The following PGBD5 variants were observed in gnomAD, a reference collection of about 807,000 sequenced individuals.
The protein encoded by PGBD5 is piggyBac transposable element-derived protein 5.
Under a neutral mutation model 47.9 loss-of-function variants are expected in PGBD5, and 14 were observed. The observed-to-expected ratio is 0.29, with a 90% CI of 0.19 to 0.46. The LOEUF (loss-of-function observed/expected upper bound fraction) is 0.46. PGBD5 is among the 20% of genes least tolerant of loss of function. The pLI is 1.00. For missense variants in PGBD5, 635 were observed against 716.0 expected (o/e 0.89, Z 1.29); for synonymous variants, 316 against 306.3 (o/e 1.03, Z -0.33).
intron 1 of PGBD5, among the ~76,000 whole-genome samples, chr1:230,396,559 G>GCCCCCCCCCCCCCC (rs61206058): frequency 6.8e-5 from 8 of 117,560 alleles, no homozygotes; most frequent in African/African-American, 1.9e-4. Context: ...ACATTTTGTT[G>GCCCCCCCCCCCCCC]CCCCCCCTCC....
chr1:230,332,189 G>A (rs1006438631), intron 5 of PGBD5, among the ~76,000 whole-genome samples: 3 of 152,168 alleles, frequency 2.0e-5, no homozygotes, highest in Non-Finnish European at 2.9e-5. Flanking sequence ...CTCATTCGTC[G>A]TCATTTGTCT....
At chr1:230,335,074 C>CACAG in intron 4 of PGBD5, among the ~76,000 whole-genome samples, 1 of 150,076 alleles carries the variant, frequency 6.7e-6, no homozygotes, top group Middle Eastern at 3.5e-3. Context: ...CAGATGCACA[C>CACAG]ACAGACACAC....
chr1:230,390,111 C>A (rs1656749007), intron 1 of PGBD5, among the ~76,000 whole-genome samples: 1 of 152,188 alleles, frequency 6.6e-6, no homozygotes, highest in Non-Finnish European at 1.5e-5. Flanking sequence ...GGCGAGGCTG[C>A]TTTGTGACAT....
intron 1 of PGBD5, among the ~76,000 whole-genome samples, chr1:230,413,264 C>A (rs373316299): frequency 7.2e-5 from 11 of 152,154 alleles, no homozygotes; most frequent in Admixed American, 3.9e-4. Context: ...CACTCCCACC[C>A]GGAACCAGAC....
At chr1:230,364,081 G>C (rs891046937) in intron 1 of PGBD5, among the ~76,000 whole-genome samples, 1 of 152,210 alleles carries the variant, frequency 6.6e-6, no homozygotes, top group African/African-American at 2.4e-5. Context: ...ACTCAGTCAC[G>C]AGTGCCTCAA....
intron 5 of PGBD5, among the ~76,000 whole-genome samples, chr1:230,332,503 A>G (rs915873709): frequency 2.6e-5 from 4 of 152,224 alleles, no homozygotes; most frequent in Non-Finnish European, 5.9e-5. Context: ...CTTCCATCAG[A>G]ACGGATTTTT....
chr1:230,364,699 G>C (rs1009084568), intron 1 of PGBD5, among the ~76,000 whole-genome samples: 4 of 152,246 alleles, frequency 2.6e-5, no homozygotes, highest in Non-Finnish European at 4.4e-5. Context: ...ATGAACCATA[G>C]AATAGTTGCA....
Position 230,316,078 on chromosome 1 carries a change from T to C in PGBD5, c.*7347A>G, listed in dbSNP as rs201749419. 51 of 112,002 alleles carry C rather than the reference T, an allele frequency of 4.6e-4. No homozygotes were observed. The highest frequency in any genetic ancestry group is 3.3e-3 in the East Asian group (6 of 1,842). The allele number at this position is 112,002 out of a possible 1,614,324, so 6.9% of individuals were successfully genotyped here. On this transcript the variant is annotated 3_prime_UTR_variant, in exon 7 of 7. Coordinates refer to ENST00000391860, the MANE Select transcript of PGBD5 (RefSeq NM_001258311.2). ...TATATGTATGTGTATACATACATGT[T>C]TATGTGTATACATACATATGTTTAT... is the stretch of plus-strand genomic sequence containing the variant.
chr1:230,362,868 T>C (rs1025306250), intron 1 of PGBD5, among the ~76,000 whole-genome samples: 23 of 151,976 alleles, frequency 1.5e-4, no homozygotes, highest in African/African-American at 4.6e-4. Context: ...TGCTAATGCC[T>C]GGTGACAAGG....
chr1:230,386,483 G>C (rs1354591396), intron 1 of PGBD5, among the ~76,000 whole-genome samples: 2 of 152,162 alleles, frequency 1.3e-5, no homozygotes, highest in Admixed American at 6.6e-5. Flanking sequence ...CTCTTCTTAA[G>C]AGCGTTTGAT....
intron 2 of PGBD5, among the ~76,000 whole-genome samples, chr1:230,353,869 C>A (rs998553742): frequency 1.3e-5 from 2 of 152,240 alleles, no homozygotes; most frequent in Non-Finnish European, 2.9e-5. Flanking sequence ...TTAGAGCCTC[C>A]AGCTTCTCCA....
chr1:230,376,013 C>T (rs927649232), intron 1 of PGBD5, among the ~76,000 whole-genome samples: 1 of 151,900 alleles, frequency 6.6e-6, no homozygotes, highest in Non-Finnish European at 1.5e-5. Context: ...GCTTGGGAAA[C>T]AGCAGCTATT....
chr1:230,362,471 T>C (rs1667763296), intron 1 of PGBD5: 1 of 1,212,598 alleles, frequency 8.2e-7, no homozygotes. Context: ...CTGATCCTCC[T>C]GGAAGGAAGC....
rs556617242 is a variant in PGBD5 at position 230,316,207 on chromosome 1, T to A, written c.*7218A>T. On this transcript the variant is annotated 3_prime_UTR_variant, in exon 7 of 7. Coordinates refer to ENST00000391860, the MANE Select transcript of PGBD5 (RefSeq NM_001258311.2). ...ACATGTGCATGTGTATACATACATA[T>A]GTACACATGTGTATATGTGTATACG... 2 of 152,350 alleles carry A rather than the reference T, an allele frequency of 1.3e-5. 1 individual carries two copies. Among genetic ancestry groups the A allele is most frequent in the Admixed American group, 1.3e-4 (2 of 15,254 alleles). 9.4% of individuals were successfully genotyped at this position (152,350 alleles called of 1,614,324 possible).
intron 5 of PGBD5, among the ~76,000 whole-genome samples, chr1:230,328,524 A>G (rs1440636231): frequency 6.6e-6 from 1 of 152,190 alleles, no homozygotes; most frequent in Non-Finnish European, 1.5e-5. Context: ...GTCTTGACTG[A>G]GTGAATCACT....
At chr1:230,393,539 CAGAAA>C (rs1258798389) in intron 1 of PGBD5, among the ~76,000 whole-genome samples, 1 of 152,058 alleles carries the variant, frequency 6.6e-6, no homozygotes, top group African/African-American at 2.4e-5. Context: ...AGAAGGAGCT[CAGAAA>C]AGAAAATAAT....
At chr1:230,411,859 C>T (rs1458376831) in intron 1 of PGBD5, among the ~76,000 whole-genome samples, 5 of 152,064 alleles carry the variant, frequency 3.3e-5, no homozygotes, top group Admixed American at 3.3e-4. Flanking sequence ...ACTACAGAAT[C>T]ATAGGAATAA....
At chr1:230,413,237 T>C (rs968023212) in intron 1 of PGBD5, among the ~76,000 whole-genome samples, 6 of 152,154 alleles carry the variant, frequency 3.9e-5, no homozygotes, top group Admixed American at 3.9e-4. Flanking sequence ...CGCTCAGAAC[T>C]CAGGCACAGC....
chr1:230,377,574 C>A, intron 1 of PGBD5: 1 of 1,601,388 alleles, frequency 6.2e-7, no homozygotes, highest in South Asian at 1.1e-5. Flanking sequence ...CTGCAGAGTC[C>A]CCGAGAGTAC....
Sources: gnomAD v4.1 joint callset for allele counts (sites outside exome capture counted in the v4.1 genomes callset) on GRCh38, gnomAD v4.1.1 for gene constraint, MANE v1.5 for transcripts, NCBI Gene and HGNC (gene_info 2026-07-23, HGNC 2026-07-21) for gene names.